The following AUTS2 variants were observed in gnomAD, a reference collection of about 807,000 sequenced individuals.
AUTS2 encodes autism susceptibility gene 2 protein.
Under a neutral mutation model 112.4 loss-of-function variants are expected in AUTS2, and 17 were observed. That is an observed-to-expected ratio of 0.15 (90% CI 0.10 to 0.23). The LOEUF (loss-of-function observed/expected upper bound fraction) is 0.23. AUTS2 is among the 10% of genes least tolerant of loss of function. The pLI is 1.00. For missense variants in AUTS2, 1,510 were observed against 1,701.6 expected (o/e 0.89, Z 1.98); for synonymous variants, 751 against 702.7 (o/e 1.07, Z -1.09).
chr7:70,176,052 A>G (rs1808970073), intron 4 of AUTS2, among the ~76,000 whole-genome samples: 1 of 152,186 alleles, frequency 6.6e-6, no homozygotes, highest in Non-Finnish European at 1.5e-5. Flanking sequence ...TTAGATTTCA[A>G]TATAGTTTGG....
chr7:70,127,286 A>C (rs975197032), intron 3 of AUTS2, among the ~76,000 whole-genome samples: 1 of 150,990 alleles, frequency 6.6e-6, no homozygotes, highest in South Asian at 2.1e-4. Flanking sequence ...CACAAGTGCT[A>C]CCATGCTTGG....
intron 4 of AUTS2, among the ~76,000 whole-genome samples, chr7:70,351,941 G>T (rs1791787367): frequency 6.6e-6 from 1 of 152,156 alleles, no homozygotes; most frequent in African/African-American, 2.4e-5. Context: ...GACCTCAGGT[G>T]ATCCACCTGT....
chr7:70,785,119 C>T, intron 16 of AUTS2, 100 bp downstream of exon 16: 5 of 1,206,762 alleles, frequency 4.1e-6, no homozygotes, highest in Non-Finnish European at 6.1e-6. Context: ...TGGTGGGAGT[C>T]CCAGATACCC....
intron 6 of AUTS2, among the ~76,000 whole-genome samples, chr7:70,735,253 C>T (rs1787710432): frequency 2.0e-5 from 3 of 152,210 alleles, no homozygotes; most frequent in African/African-American, 4.8e-5. Flanking sequence ...CTTTGCCTCA[C>T]TTCGACCTTT....
chr7:69,966,228 G>A (rs1456274554), intron 2 of AUTS2, among the ~76,000 whole-genome samples: 2 of 152,164 alleles, frequency 1.3e-5, no homozygotes, highest in African/African-American at 4.8e-5. Flanking sequence ...CCACATCTTC[G>A]ATGCTTCTGC....
intron 2 of AUTS2, among the ~76,000 whole-genome samples, chr7:69,928,188 T>C (rs753732616): frequency 3.9e-5 from 6 of 152,114 alleles, no homozygotes; most frequent in Admixed American, 6.5e-5. Context: ...CCAGGGTTTT[T>C]ATGGGCTCAG....
chr7:70,046,897 G>GTGTA (rs1212795198), intron 2 of AUTS2, among the ~76,000 whole-genome samples: 1 of 152,156 alleles, frequency 6.6e-6, no homozygotes, highest in East Asian at 1.9e-4. Context: ...TTAGAGCAAT[G>GTGTA]TGTATGTGTG....
At chr7:69,603,660 A>G (rs1207635349) in intron 1 of AUTS2, among the ~76,000 whole-genome samples, 2 of 152,232 alleles carry the variant, frequency 1.3e-5, no homozygotes, top group Non-Finnish European at 2.9e-5. Context: ...AGGAGGCTAA[A>G]GTTGAACATG....
intron 1 of AUTS2, among the ~76,000 whole-genome samples, chr7:69,762,121 G>A (rs1304658820): frequency 6.6e-6 from 1 of 151,960 alleles, no homozygotes. Context: ...ACACTGGTCC[G>A]GGTTGAAAGA....
intron 1 of AUTS2, among the ~76,000 whole-genome samples, chr7:69,868,038 A>G (rs1212001980): frequency 1.3e-5 from 2 of 152,184 alleles, no homozygotes; most frequent in Non-Finnish European, 2.9e-5. Context: ...TTGAAATAAA[A>G]ATAAAATTTT....
chr7:69,762,449 G>C (rs1788232681), intron 1 of AUTS2, among the ~76,000 whole-genome samples: 2 of 151,672 alleles, frequency 1.3e-5, no homozygotes, highest in Admixed American at 6.6e-5. Context: ...TGGGACCACA[G>C]GTATGTGCCA....
intron 2 of AUTS2, among the ~76,000 whole-genome samples, chr7:70,089,971 C>T (rs988425963): frequency 1.3e-5 from 2 of 150,780 alleles, no homozygotes; most frequent in African/African-American, 4.9e-5. Flanking sequence ...CGTGCCATTG[C>T]ACTCCAAGCT....
At chr7:70,239,301 T>A (rs1319689591) in intron 4 of AUTS2, among the ~76,000 whole-genome samples, 1 of 152,194 alleles carries the variant, frequency 6.6e-6, no homozygotes, top group Non-Finnish European at 1.5e-5. Flanking sequence ...CCATCATATG[T>A]CTTTTGAGAA....
chr7:69,997,514 A>G (rs1490770444), intron 2 of AUTS2, among the ~76,000 whole-genome samples: 1 of 152,192 alleles, frequency 6.6e-6, no homozygotes, highest in African/African-American at 2.4e-5. Flanking sequence ...TTATAAAGAA[A>G]GGAAGTTTAT....
rs957493417 is a variant in AUTS2 at position 69,894,352 on chromosome 7, T to A, written c.310-4934T>A. Among the ~76,000 whole-genome samples the A allele has an allele frequency of 2.6e-5, 4 of 151,408 alleles. No individual in the cohort carries two copies. In the East Asian group the frequency reaches 5.8e-4, roughly 22 times the overall value. On this transcript the variant is annotated intron_variant, in intron 1 of 18. Transcript: ENST00000342771. ...GCTTGTGTAAGGGAGGCAGTTTTTTTTATCTTTACCCTGTTAGGGTCTCTA... is the reference window on the plus strand; with the variant it reads ...GCTTGTGTAAGGGAGGCAGTTTTTTATATCTTTACCCTGTTAGGGTCTCTA...
At chr7:70,145,029 G>A (rs1182160233) in intron 4 of AUTS2, among the ~76,000 whole-genome samples, 3 of 152,124 alleles carry the variant, frequency 2.0e-5, no homozygotes, top group African/African-American at 7.2e-5. Context: ...GTTCCACACT[G>A]GTGAAGATCA....
chr7:70,303,877 C>A (rs1396256608), intron 4 of AUTS2, among the ~76,000 whole-genome samples: 1 of 152,180 alleles, frequency 6.6e-6, no homozygotes, highest in Non-Finnish European at 1.5e-5. Context: ...TATTTTCTCT[C>A]TGGTGATTGT....
chr7:70,305,683 C>T (rs1789461938), intron 4 of AUTS2, among the ~76,000 whole-genome samples: 1 of 152,120 alleles, frequency 6.6e-6, no homozygotes, highest in Admixed American at 6.5e-5. Flanking sequence ...ATCAAACAAA[C>T]CAGACCTATG....
chr7:70,054,613 TG>T (rs1426308690), intron 2 of AUTS2, among the ~76,000 whole-genome samples: 1 of 152,210 alleles, frequency 6.6e-6, no homozygotes, highest in Non-Finnish European at 1.5e-5. Context: ...AAGATGGTTT[TG>T]GTGAACCTAT....
Sources: gnomAD v4.1 joint callset for allele counts (sites outside exome capture counted in the v4.1 genomes callset) on GRCh38, gnomAD v4.1.1 for gene constraint, MANE v1.5 for transcripts, NCBI Gene and HGNC (gene_info 2026-07-23, HGNC 2026-07-21) for gene names.